The following KCNQ5 variants were observed in gnomAD, a reference collection of about 807,000 sequenced individuals.
KCNQ5 encodes potassium voltage-gated channel subfamily KQT member 5.
In KCNQ5, 30 loss-of-function variants were observed where a neutral mutation model predicts 98.2. The ratio of observed to expected loss-of-function variants is 0.31; its 90% confidence interval spans 0.23 to 0.41. The LOEUF (loss-of-function observed/expected upper bound fraction) is 0.41. KCNQ5 is among the 10% of genes least tolerant of loss of function. The pLI, the probability that KCNQ5 is intolerant of heterozygous loss-of-function variation, is 1.00. For synonymous variants in KCNQ5, 458 were observed against 449.4 expected (o/e 1.02, Z -0.24); for missense variants, 835 against 1,182.5 (o/e 0.71, Z 4.31).
chr6:72,735,137 G>T (rs1328843770), intron 1 of KCNQ5, among the ~76,000 whole-genome samples: 2 of 152,094 alleles, frequency 1.3e-5, no homozygotes, highest in African/African-American at 4.8e-5. Context: ...GGATAACTTG[G>T]TGATCAAAAA....
At chr6:73,011,908 A>G (rs117672321) in intron 2 of KCNQ5, among the ~76,000 whole-genome samples, 1 of 152,042 alleles carries the variant, frequency 6.6e-6, no homozygotes, top group South Asian at 2.1e-4. Context: ...GCAAATCAAA[A>G]CTACACTGAG....
chr6:72,680,905 G>C (rs1303044370), intron 1 of KCNQ5, among the ~76,000 whole-genome samples: 1 of 152,184 alleles, frequency 6.6e-6, no homozygotes, highest in Non-Finnish European at 1.5e-5. Context: ...AGGGAGTTTT[G>C]TGATCTGATA....
intron 5 of KCNQ5, among the ~76,000 whole-genome samples, chr6:73,101,976 A>G (rs1422969076): frequency 6.6e-6 from 1 of 152,054 alleles, no homozygotes; most frequent in Admixed American, 6.5e-5. Flanking sequence ...AACTGGAGAA[A>G]TCACATTACC....
chr6:72,667,650 G>T (rs12214895), intron 1 of KCNQ5, among the ~76,000 whole-genome samples: 1 of 151,952 alleles, frequency 6.6e-6, no homozygotes, highest in African/African-American at 2.4e-5. Context: ...TTGATGATTC[G>T]GTTAATGTCA....
intron 1 of KCNQ5, among the ~76,000 whole-genome samples, chr6:72,669,559 T>G (rs1023898365): frequency 5.9e-5 from 9 of 152,146 alleles, no homozygotes; most frequent in Admixed American, 2.6e-4. Context: ...CCACCTGTCT[T>G]CCCCTCCCCT....
chr6:72,883,202 G>A (rs1778710172), intron 1 of KCNQ5, among the ~76,000 whole-genome samples: 1 of 152,144 alleles, frequency 6.6e-6, no homozygotes. Context: ...CTCTCAAAAT[G>A]TTTAACAACG....
At chr6:72,953,953 G>C (rs1348054507) in intron 1 of KCNQ5, among the ~76,000 whole-genome samples, 1 of 151,976 alleles carries the variant, frequency 6.6e-6, no homozygotes, top group Non-Finnish European at 1.5e-5. Flanking sequence ...ATTTTCCCTG[G>C]GGTGACTTAT....
At chr6:72,928,716 T>C (rs1765552267) in intron 1 of KCNQ5, among the ~76,000 whole-genome samples, 1 of 152,094 alleles carries the variant, frequency 6.6e-6, no homozygotes, top group Admixed American at 6.6e-5. Context: ...TGGAGTAGAC[T>C]CTAATATGTC....
intron 2 of KCNQ5, among the ~76,000 whole-genome samples, chr6:73,034,946 C>T (rs1477873681): frequency 2.0e-5 from 3 of 150,780 alleles, no homozygotes; most frequent in South Asian, 2.1e-4. Context: ...CCCGGGTTCA[C>T]GCCATTCTCC....
chr6:72,627,865 A>G (rs186344005), intron 1 of KCNQ5, among the ~76,000 whole-genome samples: 3 of 152,202 alleles, frequency 2.0e-5, no homozygotes, highest in African/African-American at 7.2e-5. Context: ...ATGTTTCTTC[A>G]AAGTACAGTT....
chr6:72,945,198 A>G (rs942174932), intron 1 of KCNQ5, among the ~76,000 whole-genome samples: 4 of 152,172 alleles, frequency 2.6e-5, no homozygotes, highest in African/African-American at 7.2e-5. Context: ...GTTTATAAAA[A>G]AATATAATTT....
intron 7 of KCNQ5, among the ~76,000 whole-genome samples, chr6:73,112,675 G>T (rs908921458): frequency 6.6e-6 from 1 of 152,076 alleles, no homozygotes; most frequent in African/African-American, 2.4e-5. Flanking sequence ...TAGATTGTAG[G>T]TTTGGGTGGG....
chr6:72,925,280 A>G (rs1170523490), intron 1 of KCNQ5, among the ~76,000 whole-genome samples: 1 of 152,204 alleles, frequency 6.6e-6, no homozygotes, highest in Non-Finnish European at 1.5e-5. Context: ...AATCTAGATG[A>G]GCTTACAGAT....
intron 1 of KCNQ5, among the ~76,000 whole-genome samples, chr6:72,624,788 AATGG>A (rs1198562633): frequency 6.6e-6 from 1 of 152,252 alleles, no homozygotes; most frequent in Admixed American, 6.5e-5. Context: ...ACAAAGAGGG[AATGG>A]ATAGTATCAT....
chr6:72,690,832 A>G (rs927123251), intron 1 of KCNQ5, among the ~76,000 whole-genome samples: 4 of 152,080 alleles, frequency 2.6e-5, no homozygotes, highest in Non-Finnish European at 5.9e-5. Flanking sequence ...AAGATGCTAA[A>G]GTATAATTTC....
chr6:72,835,841 A>G (rs886649253), intron 1 of KCNQ5, among the ~76,000 whole-genome samples: 2 of 152,164 alleles, frequency 1.3e-5, no homozygotes, highest in East Asian at 3.9e-4. Context: ...CCATTTTACT[A>G]TTGTAACTCT....
intron 1 of KCNQ5, among the ~76,000 whole-genome samples, chr6:72,881,064 A>G (rs185834614): frequency 6.6e-6 from 1 of 152,350 alleles, no homozygotes; most frequent in Non-Finnish European, 1.5e-5. Context: ...GCCAACTTTT[A>G]ATGAGTGATT....
chr6:72,690,866 A>G (rs1161634976), intron 1 of KCNQ5, among the ~76,000 whole-genome samples: 1 of 152,084 alleles, frequency 6.6e-6, no homozygotes, highest in Admixed American at 6.5e-5. Flanking sequence ...TATATAAATT[A>G]TATATAGATG....
Position 72,854,354 on chromosome 6 carries a change from TAGAC to T in KCNQ5, c.399-149551_399-149548del, listed in dbSNP as rs763007909. On this transcript the variant is annotated intron_variant, in intron 1 of 13. Coordinates refer to ENST00000370398, the MANE Select transcript of KCNQ5 (RefSeq NM_019842.4). ...AAAATAATTATAATCACACTTTACT[TAGAC>T]AGCATTAAATATGGGATGATCAGAG... Among the ~76,000 whole-genome samples the T allele has an allele frequency of 1.8e-4, 27 of 152,252 alleles. No homozygotes were observed. The East Asian group carries it at 4.6e-3, about 26-fold the overall frequency.
Sources: gnomAD v4.1 joint callset for allele counts (sites outside exome capture counted in the v4.1 genomes callset) on GRCh38, gnomAD v4.1.1 for gene constraint, MANE v1.5 for transcripts, NCBI Gene and HGNC (gene_info 2026-07-23, HGNC 2026-07-21) for gene names.